FMNL3: variants seen among roughly 807,000 people sequenced by gnomAD.
FMNL3 encodes the protein formin like 3.
A neutral mutation model predicts 119.6 loss-of-function variants in FMNL3; 57 were observed. That is an observed-to-expected ratio of 0.48 (90% CI 0.39 to 0.59). The LOEUF (loss-of-function observed/expected upper bound fraction) is 0.59, where lower values mean the gene tolerates loss of function less well. Among genes scored for constraint, FMNL3 ranks in the 20% least tolerant of loss-of-function variants. FMNL3 has a pLI of 0.00. For missense variants in FMNL3, 1,053 were observed against 1,323.5 expected, an observed-to-expected ratio of 0.80 and a Z score of 3.17; for synonymous variants, 491 against 507.3, an observed-to-expected ratio of 0.97 and a Z score of 0.43.
chr12:49,658,297 C>A, intron 6 of FMNL3, 145 bp downstream of exon 6: 1 of 1,228,870 alleles, frequency 8.1e-7, no homozygotes. Flanking sequence ...GAAGACAGAC[C>A]AGAGACAGAC....
At chr12:49,664,424 A>C (rs1943828282) in intron 4 of FMNL3, among the ~76,000 whole-genome samples, 2 of 152,120 alleles carry the variant, frequency 1.3e-5, no homozygotes, top group Admixed American at 6.5e-5. Flanking sequence ...ATAAACAAAA[A>C]GAAGACAGAA....
chr12:49,643,230 A>G lies in FMNL3; in HGVS notation c.*2585T>C. ...ATCTGCTGATCTGCCCAGGGCTCTG[A>G]GTCAGAAGAAGAGGAGCTGCCCCCA... On this transcript the variant is annotated 3_prime_UTR_variant, in exon 26 of 26. Coordinates refer to ENST00000335154, the MANE Select transcript of FMNL3 (RefSeq NM_175736.5). 6.2e-7 allele frequency: 1 copy of G among 1,614,042 alleles called. No individual in the cohort carries two copies. The highest frequency in any genetic ancestry group is 8.5e-7 in the Non-Finnish European group (1 of 1,180,016).
At position 49,636,590 on chromosome 12, in the gene FMNL3, C is replaced by T; in HGVS notation, c.*9225G>A. 1.5e-6 allele frequency: 2 copies of T among 1,342,418 alleles called. No individual in the cohort carries two copies. 83.2% of individuals were successfully genotyped at this position (1,342,418 alleles called of 1,614,324 possible). A position where few individuals can be genotyped will look rare whatever the true frequency, so the allele number is the denominator to read the frequency against. On this transcript the variant is annotated 3_prime_UTR_variant, in exon 26 of 26. Coordinates refer to ENST00000335154, the MANE Select transcript of FMNL3 (RefSeq NM_175736.5). Reference sequence around the variant, plus strand: ...TGCTCCCACAGAGCCCCCTCCAGGCCCTTCCCCCACCACCCTGGGTATCCC... The same window carrying T: ...TGCTCCCACAGAGCCCCCTCCAGGCTCTTCCCCCACCACCCTGGGTATCCC...
At position 49,642,984 on chromosome 12, in the gene FMNL3, A is replaced by C. The variant is rs752833704; in HGVS notation, c.*2831T>G. 5.0e-6 allele frequency: 8 copies of C among 1,613,906 alleles called. No homozygotes were observed. The highest frequency in any genetic ancestry group is 3.3e-5 in the Admixed American group (2 of 59,984). The stretch of plus-strand genomic sequence containing the variant: ...CCGAAAGCATGGCAGGAAAGGCAAG[A>C]AGCACCATCACAAGCGTTCCCACTC... On this transcript the variant is annotated 3_prime_UTR_variant, in exon 26 of 26. Transcript: ENST00000335154. This position sits in a 1 kb window ranked among gnomAD's most constrained non-coding sequence, Gnocchi z 5.8.
intron 1 of FMNL3, among the ~76,000 whole-genome samples, chr12:49,669,788 C>G (rs774823481): frequency 1.3e-5 from 2 of 152,054 alleles, no homozygotes; most frequent in Non-Finnish European, 2.9e-5. Flanking sequence ...GCCAAGATCA[C>G]GCCACTGCAC....
Position 49,657,174 on chromosome 12 carries a change from C to T in FMNL3, c.622G>A (p.Gly208Arg). 6.2e-7 allele frequency: 1 copy of T among 1,614,038 alleles called. No homozygotes were observed. Among genetic ancestry groups the T allele is most frequent in the Non-Finnish European group, 8.5e-7 (1 of 1,179,996 alleles). ...CGGGAGTTCTTCAGGGCCCTGCGCC[C>T]AGGGAGAGTGCTATACCTGGGGAGA... ...QSVLRYSTLP[G>R]RRALKNSRLV... Residue 208 changes from glycine to arginine, a missense_variant, in exon 7 of 26, where the codon GGG (glycine) becomes AGG (arginine). Gly to Arg is a moderately radical substitution (Grantham distance 125). This residue lies in a region of FMNL3 where 445 missense variants were observed against 628.4 expected (regional missense o/e 0.71). Coordinates refer to ENST00000335154, the MANE Select transcript of FMNL3 (RefSeq NM_175736.5).
chr12:49,654,020 T>C, intron 11 of FMNL3, 146 bp from the exon 12 acceptor site: 1 of 1,279,548 alleles, frequency 7.8e-7, no homozygotes, highest in East Asian at 2.5e-5. Context: ...CTCGCCCCCA[T>C]GGAGCTGCCT....
chr12:49,651,272 T>C lies in FMNL3; in HGVS notation c.1693A>G (p.Ile565Val), dbSNP rs1232230591. 6.2e-7 allele frequency: 1 copy of C among 1,612,518 alleles called. No homozygotes were observed. Among genetic ancestry groups the C allele is most frequent in the East Asian group, 2.2e-5 (1 of 44,802 alleles). Residue 565 changes from isoleucine to valine, a missense_variant, in exon 16 of 26, where the codon ATC (isoleucine) becomes GTC (valine). Ile to Val is a conservative substitution (Grantham distance 29, BLOSUM62 3). Transcript: ENST00000335154. ...ACAGGCAGCCGGAACTTGGTCTTGA[T>C]AGGTTTCTTAATTCGAATGGCTAAT... ...GLSAIRIKKPIKTKFRLPVFN... is the reference protein window; with the variant it reads ...GLSAIRIKKPVKTKFRLPVFN...
intron 1 of FMNL3, among the ~76,000 whole-genome samples, chr12:49,690,768 G>C (rs1368392742): frequency 6.6e-6 from 1 of 152,166 alleles, no homozygotes; most frequent in East Asian, 1.9e-4. Context: ...AGTCAACCCC[G>C]CAAAAAGGAA....
chr12:49,702,552 C>T (rs564331037), intron 1 of FMNL3, among the ~76,000 whole-genome samples: 1 of 152,110 alleles, frequency 6.6e-6, no homozygotes, highest in Non-Finnish European at 1.5e-5. Context: ...GAAAACAAAA[C>T]AAAACAAAAC....
intron 14 of FMNL3, 50 bp from the exon 15 acceptor site, chr12:49,651,500 A>G: frequency 1.5e-6 from 2 of 1,371,954 alleles, no homozygotes; most frequent in Non-Finnish European, 1.9e-6. Flanking sequence ...GAGACTCTTC[A>G]TAGGCTTCCC....
chr12:49,639,978 T>C lies in FMNL3; in HGVS notation c.*5837A>G, dbSNP rs936219048. ...TAACTTTTAGCCACAGAGTGGCTGG[T>C]TGATAGGCCTGTAGGGGCCTATCCT... On this transcript the variant is annotated 3_prime_UTR_variant, in exon 26 of 26. Coordinates refer to ENST00000335154, the MANE Select transcript of FMNL3 (RefSeq NM_175736.5). The C allele has an allele frequency of 2.0e-5, 3 of 152,024 alleles. No individual in the cohort carries two copies. Among genetic ancestry groups the C allele is most frequent in the African/African-American group, 7.2e-5 (3 of 41,460 alleles). The allele number at this position is 152,024 out of a possible 1,614,324, so 9.4% of individuals were successfully genotyped here.
Position 49,646,951 on chromosome 12 carries a change from C to T in FMNL3, c.2930G>A (p.Arg977His), listed in dbSNP as rs369272662. 1.5e-5 allele frequency: 24 copies of T among 1,613,964 alleles called. No homozygotes were observed. Among genetic ancestry groups the T allele is most frequent in the South Asian group, 3.3e-5 (3 of 91,090 alleles). ...QQELIAELRR[R>H]QAKEHRPVYE... is the part of the protein sequence containing the mutation. ...AACAGGCCGGTGTTCCTTGGCCTGG[C>T]GCCGCCTCAACTCTGCTATTAACTC... The change falls in exon 25 of 26, where the codon CGC becomes CAC. Residue 977 changes from arginine (R) to histidine (H), a missense_variant. This residue lies in a region of FMNL3 where 324 missense variants were observed against 380.9 expected (regional missense o/e 0.85). Transcript: ENST00000335154.
chr12:49,685,463 A>AAAT (rs944332349), intron 1 of FMNL3, among the ~76,000 whole-genome samples: 10 of 151,920 alleles, frequency 6.6e-5, no homozygotes, highest in East Asian at 1.9e-4. Context: ...CTCTGTCTCA[A>AAAT]AATAATAATA....
chr12:49,689,172 A>G (rs1944541141), intron 1 of FMNL3, among the ~76,000 whole-genome samples: 1 of 152,226 alleles, frequency 6.6e-6, no homozygotes, highest in Non-Finnish European at 1.5e-5. Flanking sequence ...GGAAAGAATT[A>G]GTTCAAAACT....
At chr12:49,653,588 A>G in intron 12 of FMNL3, 137 bp downstream of exon 12, 1 of 1,268,288 alleles carries the variant, frequency 7.9e-7, no homozygotes, top group Non-Finnish European at 1.1e-6. Context: ...CTCAGGCCTG[A>G]GTATGCTCTT....
rs569199256 is a variant in FMNL3 at position 49,637,989 on chromosome 12, A to G, written c.*7826T>C. 13 of 603,040 alleles carry G rather than the reference A, an allele frequency of 2.2e-5. No homozygotes were observed. The highest frequency in any genetic ancestry group is 4.3e-4 in the Middle Eastern group (1 of 2,336). The allele number at this position is 603,040 out of a possible 1,614,324, so 37.4% of individuals were successfully genotyped here. A position where few individuals can be genotyped will look rare whatever the true frequency, so the allele number is the denominator to read the frequency against. ...CTAGGGATACAGTAATGAATACACAATTTCTACCACAGGAGCTCATGGTCT... is the reference window on the plus strand; with the variant it reads ...CTAGGGATACAGTAATGAATACACAGTTTCTACCACAGGAGCTCATGGTCT... On this transcript the variant is annotated 3_prime_UTR_variant, in exon 26 of 26. Transcript: ENST00000335154.
In FMNL3 at chr12:49,648,252, A is replaced by C. The variant is rs1372196798; in HGVS notation, c.2617T>G (p.Phe873Val). The C allele has an allele frequency of 6.2e-7, 1 of 1,613,986 alleles. No homozygotes were observed. Among genetic ancestry groups the C allele is most frequent in the Admixed American group, 1.7e-5 (1 of 60,006 alleles). The stretch of plus-strand genomic sequence containing the variant: ...AGTTTGCCTTCATTGGTACTGAGGA[A>C]GTTCCGGAGGACGCTGTTGTCATGG... ...SIHDNSVLRN[F>V]LSTNEGKLDK... The change falls in exon 22 of 26, where the codon TTC (phenylalanine) becomes GTC (valine). Residue 873 changes from phenylalanine (F) to valine (V), a missense_variant. Physicochemically the swap from Phe to Val is conservative, Grantham distance 50. This residue lies in a region of FMNL3 where 324 missense variants were observed against 380.9 expected (regional missense o/e 0.85). Coordinates refer to ENST00000335154, the MANE Select transcript of FMNL3 (RefSeq NM_175736.5).
chr12:49,676,590 A>G lies in FMNL3; in HGVS notation c.127-8036T>C, dbSNP rs1422902451. On this transcript the variant is annotated intron_variant, in intron 1 of 25. Coordinates refer to ENST00000335154, the MANE Select transcript of FMNL3 (RefSeq NM_175736.5). ...CAACTAGAAAGAACATAAACTCCTTAAGGGTAGGGGCCGTCTTATCCTTCT... is the reference window on the plus strand; with the variant it reads ...CAACTAGAAAGAACATAAACTCCTTGAGGGTAGGGGCCGTCTTATCCTTCT... 2.9e-5 allele frequency among the ~76,000 whole-genome samples: 4 copies of G among 137,854 alleles called. No individual in the cohort carries two copies. The Admixed American group carries it at 3.4e-4, about 12-fold the overall frequency. The allele number at this position is 137,854 out of a possible 152,430, so 90.4% of individuals were successfully genotyped here. A position where few individuals can be genotyped will look rare whatever the true frequency, so the allele number is the denominator to read the frequency against.
Sources: allele counts gnomAD v4.1 joint callset (sites outside exome capture counted in the v4.1 genomes callset), GRCh38; gene constraint gnomAD v4.1.1; regional missense constraint gnomAD v4.1.1; non-coding constraint Gnocchi (gnomAD v3.1); transcripts MANE v1.5; gene names NCBI Gene and HGNC (gene_info 2026-07-23, HGNC 2026-07-21).